Variants in HECTD4 observed in about 807,000 individuals in gnomAD.
HECTD4 encodes probable E3 ubiquitin-protein ligase HECTD4.
A neutral mutation model predicts 471.5 loss-of-function variants in HECTD4; 114 were observed. The ratio of observed to expected loss-of-function variants is 0.24; its 90% CI spans 0.21 to 0.28. The LOEUF (loss-of-function observed/expected upper bound fraction) is 0.28. HECTD4 is among the 10% of genes least tolerant of loss of function. HECTD4 has a pLI of 1.00. For missense variants in HECTD4, 3,866 were observed against 5,651.5 expected, an observed-to-expected ratio of 0.68 and a Z score of 10.13; for synonymous variants, 2,012 against 2,256.0, an observed-to-expected ratio of 0.89 and a Z score of 3.07.
chr12:112,246,794 G>A, intron 29 of HECTD4, 107 bp downstream of exon 29: 1 of 956,236 alleles, frequency 1.0e-6, no homozygotes, highest in Non-Finnish European at 1.4e-6. Context: ...CTTTCTCAGA[G>A]TACCCAAGAG....
In HECTD4 at chr12:112,381,897, G is replaced by C; in HGVS notation, c.177+55C>G. Reference sequence around the variant, plus strand: ...AGGCGAGGAGGGGGCCCGACCCGGGGGTGCCGGGCGAGTGGGTCAGTCCGA... The same window carrying C: ...AGGCGAGGAGGGGGCCCGACCCGGGCGTGCCGGGCGAGTGGGTCAGTCCGA... On this transcript the variant is annotated intron_variant, in intron 1 of 75. Coordinates refer to ENST00000682272, the MANE Select transcript of HECTD4 (RefSeq NM_001388303.1). This position sits in a 1 kb window ranked among gnomAD's most constrained non-coding sequence, Gnocchi z 4.1. The C allele has an allele frequency of 8.6e-7, 1 of 1,165,720 alleles. No individual in the cohort carries two copies. Among genetic ancestry groups the C allele is most frequent in the Non-Finnish European group, 1.1e-6 (1 of 931,326 alleles). The allele number at this position is 1,165,720 out of a possible 1,614,324, so 72.2% of individuals were successfully genotyped here.
intron 7 of HECTD4, among the ~76,000 whole-genome samples, chr12:112,298,836 C>G (rs1293012319): frequency 6.8e-6 from 1 of 147,766 alleles, no homozygotes; most frequent in Non-Finnish European, 1.5e-5. Context: ...CAGCCGAGAT[C>G]ACACCACTGC....
chr12:112,215,992 A>C (rs1157375208), intron 48 of HECTD4, among the ~76,000 whole-genome samples: 1 of 152,092 alleles, frequency 6.6e-6, no homozygotes, highest in African/African-American at 2.4e-5. Context: ...TTTTGAAGCT[A>C]TTTATCTGCT....
intron 9 of HECTD4, among the ~76,000 whole-genome samples, chr12:112,276,897 T>C (rs1023480461): frequency 6.6e-6 from 1 of 152,212 alleles, no homozygotes; most frequent in Non-Finnish European, 1.5e-5. Flanking sequence ...CAACTTCATA[T>C]CCACAAAGAT....
At chr12:112,361,443 A>G (rs970247516) in intron 1 of HECTD4, among the ~76,000 whole-genome samples, 2 of 151,124 alleles carry the variant, frequency 1.3e-5, no homozygotes, top group African/African-American at 4.9e-5. Flanking sequence ...CTAATTTTCT[A>G]ATTTTATTTT....
chr12:112,184,889 G>A lies in HECTD4; in HGVS notation c.10077C>T (p.Thr3359=). The change falls in exon 61 of 76, where the codon ACC becomes ACT. Residue 3359 remains threonine (T), a synonymous_variant. Coordinates refer to ENST00000682272, the MANE Select transcript of HECTD4 (RefSeq NM_001388303.1). This position sits in a 1 kb window ranked among gnomAD's most constrained non-coding sequence, Gnocchi z 9.1. ...EDMLWFHRAL[T]LLIILRHLTR... Reference sequence around the variant, plus strand: ...TGAGGTGGCGGAGGATGATGAGCAGGGTGAGTGCGCGGTGGAACCACAGCA... The same window carrying A: ...TGAGGTGGCGGAGGATGATGAGCAGAGTGAGTGCGCGGTGGAACCACAGCA... 1 of 1,611,596 alleles carries A rather than the reference G, an allele frequency of 6.2e-7. No individual in the cohort carries two copies. The highest frequency in any genetic ancestry group is 1.1e-5 in the South Asian group (1 of 90,914).
At chr12:112,233,311 T>C (rs890491877) in intron 37 of HECTD4, among the ~76,000 whole-genome samples, 5 of 144,820 alleles carry the variant, frequency 3.5e-5, no homozygotes, top group African/African-American at 1.3e-4. Flanking sequence ...AGCCTCGATC[T>C]CCCTAGGTTC....
chr12:112,222,710 T>C (rs112516043), intron 44 of HECTD4, among the ~76,000 whole-genome samples: 3,819 of 152,154 alleles, frequency 0.025, 170 homozygotes, highest in African/African-American at 0.086. Flanking sequence ...GGTGTGCACC[T>C]GTGGTCCCAG....
intron 1 of HECTD4, among the ~76,000 whole-genome samples, chr12:112,334,810 CA>C (rs201647877): frequency 0.12 from 7,986 of 67,522 alleles, 884 homozygotes; most frequent in East Asian, 0.62. Flanking sequence ...AACTCTATCT[CA>C]AAAAAAAAAA....
In HECTD4 at chr12:112,269,777, G is replaced by A. The variant is rs2135619582; in HGVS notation, c.2248C>T (p.Leu750Phe). Residue 750 changes from leucine to phenylalanine, a missense_variant, in exon 13 of 76, where the codon CTT becomes TTT. By Grantham distance (22) the Leu-to-Phe change is conservative. Transcript: ENST00000682272. The part of the protein sequence containing the change: ...RDIIRRSGLL[L>F]WQLLMAPKDQ... ...TTTGGAGCCATCAACAACTGCCAAAGAAGCAATCCCGACCGTCGAATGATG... is the reference window on the plus strand; with the variant it reads ...TTTGGAGCCATCAACAACTGCCAAAAAAGCAATCCCGACCGTCGAATGATG... The A allele has an allele frequency of 6.2e-7, 1 of 1,614,010 alleles. No homozygotes were observed. The highest frequency in any genetic ancestry group is 2.2e-5 in the East Asian group (1 of 44,890).
intron 69 of HECTD4, 116 bp from the exon 70 acceptor site, chr12:112,169,774 C>T (rs1263681967): frequency 7.5e-6 from 9 of 1,199,270 alleles, no homozygotes; most frequent in Middle Eastern, 1.9e-4. Flanking sequence ...CCTGCTCCCT[C>T]GCTCGGCCCC....
At chr12:112,240,418 T>G (rs188583147) in intron 32 of HECTD4, among the ~76,000 whole-genome samples, 2 of 152,234 alleles carry the variant, frequency 1.3e-5, no homozygotes, top group East Asian at 1.9e-4. Flanking sequence ...TAAGTAGCAC[T>G]GAATACTGTA....
At position 112,208,511 on chromosome 12, in the gene HECTD4, C is replaced by T. The variant is rs966972057; in HGVS notation, c.7987G>A (p.Asp2663Asn). Reference sequence around the variant, plus strand: ...TCTCTTACCTGAGGGATGTCATCATCGTCATCATCATCGCTTTCATCATCT... The same window carrying T: ...TCTCTTACCTGAGGGATGTCATCATTGTCATCATCATCGCTTTCATCATCT... ...IADDESDDDD[D>N]DDIPQEDHYA... Residue 2663 changes from aspartate (D) to asparagine (N), a missense_variant, in exon 51 of 76, where the codon GAT (aspartate) becomes AAT (asparagine). Coordinates refer to ENST00000682272, the MANE Select transcript of HECTD4 (RefSeq NM_001388303.1). The T allele has an allele frequency of 4.4e-6, 7 of 1,595,516 alleles. No homozygotes were observed. Among genetic ancestry groups the T allele is most frequent in the African/African-American group, 1.4e-5 (1 of 74,046 alleles).
intron 7 of HECTD4, among the ~76,000 whole-genome samples, chr12:112,305,247 A>G (rs377460639): frequency 6.6e-6 from 1 of 152,188 alleles, no homozygotes; most frequent in Admixed American, 6.5e-5. Flanking sequence ...ACGTATGGCT[A>G]GCAGCCACTG....
intron 1 of HECTD4, among the ~76,000 whole-genome samples, chr12:112,367,842 A>AC (rs1033517756): frequency 4.7e-5 from 7 of 150,224 alleles, no homozygotes; most frequent in Admixed American, 1.3e-4. Flanking sequence ...AAAAAAAAAA[A>AC]AAAAAACGCT....
chr12:112,216,784 A>C lies in HECTD4; in HGVS notation c.7374T>G (p.Cys2458Trp). 6.2e-7 allele frequency: 1 copy of C among 1,613,500 alleles called. No homozygotes were observed. The highest frequency in any genetic ancestry group is 8.5e-7 in the Non-Finnish European group (1 of 1,179,440). The change falls in exon 47 of 76, where the codon TGT (cysteine) becomes TGG (tryptophan). Residue 2458 changes from cysteine to tryptophan, a missense_variant. Physicochemically the swap from Cys to Trp is radical, Grantham distance 215. Around this residue, in one of 16 missense-constraint regions of HECTD4, gnomAD observed 617 missense variants for 915.1 expected, o/e 0.67. Coordinates refer to ENST00000682272, the MANE Select transcript of HECTD4 (RefSeq NM_001388303.1). The part of the protein sequence containing the change: ...DGAWTNPVGT[C>W]LFHNNGRAVH... ...CTTCTTTTACTTACTTATGGAAAAG[A>C]CAAGTGCCCACTGGATTAGTCCAAG...
intron 18 of HECTD4, among the ~76,000 whole-genome samples, chr12:112,260,418 T>C (rs1018471524): frequency 1.3e-5 from 2 of 152,172 alleles, no homozygotes; most frequent in Non-Finnish European, 1.5e-5. Context: ...CCCAACCTCC[T>C]ATCTACTCTC....
At position 112,192,709 on chromosome 12, in the gene HECTD4, T is replaced by A; in HGVS notation, c.9143A>T (p.Lys3048Ile). 6.2e-7 allele frequency: 1 copy of A among 1,600,190 alleles called. No individual in the cohort carries two copies. The highest frequency in any genetic ancestry group is 8.5e-7 in the Non-Finnish European group (1 of 1,173,872). Residue 3048 changes from lysine (K) to isoleucine (I), a missense_variant, in exon 59 of 76, where the codon AAA becomes ATA. Transcript: ENST00000682272. Reference protein sequence around the residue: ...ARVLVYGLGHKVKRNGQLNLI... With the variant: ...ARVLVYGLGHIVKRNGQLNLI... The stretch of plus-strand genomic sequence containing the variant: ...GTTCAGCTGGCCATTTCGCTTCACT[T>A]TGTGGCCGAGGCCATATACGAGCAC...
Position 112,173,002 on chromosome 12 carries a change from GCCTGGACAGCT to G in HECTD4, c.11595-152_11595-142del, listed in dbSNP as rs942821644. The G allele has an allele frequency of 4.3e-6, 3 of 698,286 alleles. No homozygotes were observed. The highest frequency in any genetic ancestry group is 1.8e-5 in the African/African-American group (1 of 56,918). 43.3% of individuals were successfully genotyped at this position (698,286 alleles called of 1,614,324 possible). Reference sequence around the variant, plus strand: ...CTCGCCTTCCAGGTTGTTTCTTGGTGCCTGGACAGCTCCTCATGGGGAAAGCTCTTTCAAAA... The same window carrying G: ...CTCGCCTTCCAGGTTGTTTCTTGGTGCCTCATGGGGAAAGCTCTTTCAAAA... On this transcript the variant is annotated intron_variant, in intron 66 of 75. Transcript: ENST00000682272. This position sits in a 1 kb window ranked among gnomAD's most constrained non-coding sequence, Gnocchi z 4.3.
Sources: allele counts gnomAD v4.1 joint callset (sites outside exome capture counted in the v4.1 genomes callset), GRCh38; gene constraint gnomAD v4.1.1; regional missense constraint gnomAD v4.1.1; non-coding constraint Gnocchi (gnomAD v3.1); transcripts MANE v1.5; gene names NCBI Gene and HGNC (gene_info 2026-07-23, HGNC 2026-07-21).